Variants in UBR4 observed in about 807,000 individuals in gnomAD.
UBR4 encodes ubiquitin protein ligase E3 component n-recognin 4, also known as E3 ubiquitin-protein ligase UBR4.
In UBR4, 124 loss-of-function variants were observed where a neutral mutation model predicts 575.6. The ratio of observed to expected loss-of-function variants is 0.22; its 90% CI spans 0.19 to 0.25. The LOEUF (loss-of-function observed/expected upper bound fraction) is 0.25. UBR4 is among the 10% of genes least tolerant of loss of function. The pLI is 1.00. For missense variants in UBR4, 4,818 were observed against 6,478.8 expected, an observed-to-expected ratio of 0.74 and a Z score of 8.80; for synonymous variants, 2,455 against 2,473.7, an observed-to-expected ratio of 0.99 and a Z score of 0.22.
Position 19,151,782 on chromosome 1 carries a change from A to G in UBR4, c.7074T>C (p.Thr2358=). The G allele has an allele frequency of 1.2e-6, 2 of 1,614,184 alleles. No individual in the cohort carries two copies. Among genetic ancestry groups the G allele is most frequent in the South Asian group, 2.2e-5 (2 of 91,076 alleles). Residue 2358 remains threonine, a synonymous_variant, in exon 48 of 106, where the codon ACT becomes ACC. Transcript: ENST00000375254. ...ATGACGGGGCCCGTTCTATTGCTTG[A>G]GTCCCAATCTGGATCCGCATGCCTG... ...VMTGMRIQIG[T]QAIERAPSYI... is the part of the protein sequence containing the mutation.
chr1:19,192,083 G>A, intron 11 of UBR4, 105 bp downstream of exon 11: 1 of 1,334,836 alleles, frequency 7.5e-7, no homozygotes, highest in Non-Finnish European at 1.0e-6. Flanking sequence ...AAGCCAGGTA[G>A]GAAGGCAAAT....
chr1:19,176,956 T>C (rs1007429332), intron 19 of UBR4, among the ~76,000 whole-genome samples: 1 of 152,168 alleles, frequency 6.6e-6, no homozygotes, highest in African/African-American at 2.4e-5. Flanking sequence ...AATTTAAAGA[T>C]TTTTCTGTGA....
chr1:19,185,407 T>C (rs1054319514), intron 14 of UBR4, 121 bp from the exon 15 acceptor site: 4 of 973,546 alleles, frequency 4.1e-6, no homozygotes, highest in African/African-American at 3.4e-5. Flanking sequence ...GTGATGATGG[T>C]TACAAGATTG....
chr1:19,085,772 T>G (rs911805980), intron 101 of UBR4, among the ~76,000 whole-genome samples: 2 of 152,204 alleles, frequency 1.3e-5, no homozygotes, highest in Admixed American at 1.3e-4. Context: ...ACTTTCGTAT[T>G]TAAACCTCAG....
In UBR4 at chr1:19,144,896, T is replaced by C. The variant is rs139998682; in HGVS notation, c.7957A>G (p.Ile2653Val). 3.9e-4 allele frequency: 623 copies of C among 1,614,058 alleles called. 1 individual carries two copies. The African/African-American group carries it at 6.8e-3, about 18-fold the overall frequency. The change falls in exon 54 of 106, where the codon ATT becomes GTT. Residue 2653 changes from isoleucine (I) to valine (V), a missense_variant. This residue lies in a region of UBR4 where 340 missense variants were observed against 375.4 expected (regional missense o/e 0.91). Coordinates refer to ENST00000375254, the MANE Select transcript of UBR4 (RefSeq NM_020765.3). ...ACCAGAGCATTGACAGTAGCTTCAA[T>C]ATGAGTTAGTCCTAAAGGAGAGACA... ...APACLPGLTH[I>V]EATVNALVDI...
In UBR4 at chr1:19,110,485, A is replaced by G. The variant is rs1386221665; in HGVS notation, c.11893-21T>C. The stretch of plus-strand genomic sequence containing the variant: ...CTTGCCTAGAAGGCAATGGGAAGAG[A>G]CATGAGTCAAGAGGGTCAGCTCCGG... On this transcript the variant is annotated intron_variant, in intron 79 of 105. Transcript: ENST00000375254. This position sits in a 1 kb window ranked among gnomAD's most constrained non-coding sequence, Gnocchi z 4.5. The G allele has an allele frequency of 6.2e-7, 1 of 1,612,764 alleles. No homozygotes were observed.
chr1:19,129,061 G>A lies in UBR4; in HGVS notation c.8920C>T (p.Arg2974Cys), dbSNP rs781094710. The A allele has an allele frequency of 6.8e-6, 11 of 1,613,908 alleles. No individual in the cohort carries two copies. The highest frequency in any genetic ancestry group is 1.7e-5 in the Admixed American group (1 of 59,994). Reference protein sequence around the residue: ...VHTSNRLHMVRLMLLERLLQT... With the variant: ...VHTSNRLHMVCLMLLERLLQT... ...AGTAATCTCTCCAACAGCATTAGAC[G>A]GACCATGTGCAGCCTAAAAGGGTGG... The change falls in exon 61 of 106, where the codon CGT becomes TGT. Residue 2974 changes from arginine to cysteine, a missense_variant. Coordinates refer to ENST00000375254, the MANE Select transcript of UBR4 (RefSeq NM_020765.3).
At chr1:19,196,766 C>G (rs1324929077) in intron 8 of UBR4, among the ~76,000 whole-genome samples, 19 of 152,184 alleles carry the variant, frequency 1.2e-4, no homozygotes, top group Non-Finnish European at 1.5e-5. Flanking sequence ...GCCTTTAATA[C>G]TGTTTTATAT....
intron 29 of UBR4, among the ~76,000 whole-genome samples, chr1:19,166,784 T>C (rs2088554837): frequency 7.2e-6 from 1 of 138,652 alleles, no homozygotes; most frequent in South Asian, 2.3e-4. Context: ...CATGCACCTG[T>C]AGTCCCAGCT....
At chr1:19,106,230 C>A (rs540895405) in intron 83 of UBR4, among the ~76,000 whole-genome samples, 2 of 152,108 alleles carry the variant, frequency 1.3e-5, no homozygotes, top group African/African-American at 4.8e-5. Flanking sequence ...AAATGGATTA[C>A]CTAACATAGA....
At chr1:19,188,123 A>C (rs1057171338) in intron 11 of UBR4, among the ~76,000 whole-genome samples, 21 of 152,104 alleles carry the variant, frequency 1.4e-4, no homozygotes, top group Middle Eastern at 3.4e-3. Context: ...GAATTTAAAC[A>C]ATCAGTTCAA....
At chr1:19,146,151 T>C in intron 52 of UBR4, 5 of 1,475,298 alleles carry the variant, frequency 3.4e-6, no homozygotes, top group Non-Finnish European at 4.6e-6. Flanking sequence ...TAGAATTAAG[T>C]AGAACGGGGA....
intron 77 of UBR4, chr1:19,113,394 T>C (rs1570633764): frequency 5.4e-6 from 2 of 368,146 alleles, no homozygotes; most frequent in East Asian, 1.0e-4. Flanking sequence ...TCAAATTTTT[T>C]AAGACCAGTA....
At chr1:19,182,470 G>A (rs796907481) in intron 17 of UBR4, among the ~76,000 whole-genome samples, 3 of 151,908 alleles carry the variant, frequency 2.0e-5, no homozygotes, top group African/African-American at 7.2e-5. Context: ...CTCTTGCCTC[G>A]CCTCCCGAGT....
At chr1:19,084,296 T>C (rs940459822) in intron 102 of UBR4, among the ~76,000 whole-genome samples, 1 of 152,188 alleles carries the variant, frequency 6.6e-6, no homozygotes, top group African/African-American at 2.4e-5. Flanking sequence ...ACAGGGCAGT[T>C]TGGGGGAAGG....
rs189229177 is a variant in UBR4, at chr1:19,206,628, G to A, written c.176+3445C>T. On this transcript the variant is annotated intron_variant, in intron 1 of 105. Transcript: ENST00000375254. The stretch of plus-strand genomic sequence containing the variant: ...TGAGATTACAGGCGTGAGCCACTGC[G>A]CCCAGCCAACCCTGTCTCTTAAAAA... Among the ~76,000 whole-genome samples the A allele has an allele frequency of 3.5e-3, 529 of 152,184 alleles. 2 individuals are homozygous for A. Among genetic ancestry groups the A allele is most frequent in the Non-Finnish European group, 5.5e-3 (375 of 67,998 alleles).
At position 19,114,805 on chromosome 1, in the gene UBR4, C is replaced by T. The variant is rs368880711; in HGVS notation, c.11202+6G>A. ...AGCCCTGAGTCTAGGCCAGATCTGG[C>T]CTCACCTTCTTCCGGTCTTCTTCAT... On this transcript the variant is annotated splice_donor_region_variant and intron_variant, in intron 75 of 105. Coordinates refer to ENST00000375254, the MANE Select transcript of UBR4 (RefSeq NM_020765.3). 1.2e-5 allele frequency: 19 copies of T among 1,613,898 alleles called. No individual in the cohort carries two copies. In the African/African-American group the frequency reaches 1.7e-4, roughly 15 times the overall value.
intron 102 of UBR4, among the ~76,000 whole-genome samples, chr1:19,083,630 G>A (rs1462998840): frequency 1.3e-5 from 2 of 152,186 alleles, no homozygotes; most frequent in African/African-American, 2.4e-5. Context: ...AACCTCCTTG[G>A]CTCAAGCCAT....
chr1:19,137,498 G>A (rs967661968), intron 60 of UBR4, among the ~76,000 whole-genome samples: 1 of 152,064 alleles, frequency 6.6e-6, no homozygotes, highest in African/African-American at 2.4e-5. Flanking sequence ...GGATTTTATA[G>A]ACCACTTTCA....
Sources: gnomAD v4.1 joint callset for allele counts (sites outside exome capture counted in the v4.1 genomes callset) on GRCh38, gnomAD v4.1.1 for gene constraint, gnomAD v4.1.1 regional missense constraint, Gnocchi (gnomAD v3.1) non-coding constraint, MANE v1.5 for transcripts, NCBI Gene and HGNC (gene_info 2026-07-23, HGNC 2026-07-21) for gene names.